Variants in SYN2 observed in about 807,000 individuals in gnomAD.
SYN2 encodes the protein synapsin-2.
Under a neutral mutation model 50.9 loss-of-function variants are expected in SYN2, and 19 were observed. The ratio of observed to expected loss-of-function variants is 0.37; its 90% confidence interval spans 0.26 to 0.55. The LOEUF is 0.55. Among genes scored for constraint, SYN2 ranks in the 20% least tolerant of loss-of-function variants. The probability of loss-of-function intolerance (pLI) is 0.81; values close to 1 mark genes in which losing one functional copy is unlikely to be tolerated. For missense variants in SYN2, 587 were observed against 576.4 expected (o/e 1.02, Z -0.19); for synonymous variants, 255 against 224.9 (o/e 1.13, Z -1.20).
intron 1 of SYN2, among the ~76,000 whole-genome samples, chr3:12,138,223 T>G (rs1460345024): frequency 6.6e-6 from 1 of 152,206 alleles, no homozygotes; most frequent in Non-Finnish European, 1.5e-5. Flanking sequence ...CTTGGCTCCT[T>G]TTCTATAAGG....
At chr3:12,185,249 A>T (rs369423732) in intron 11 of SYN2, 1 of 985,852 alleles carries the variant, frequency 1.0e-6, no homozygotes, top group East Asian at 1.1e-4. Flanking sequence ...CCCAGAATGG[A>T]GGAATACATT....
At chr3:12,102,272 C>G (rs781667353) in intron 1 of SYN2, among the ~76,000 whole-genome samples, 1 of 152,130 alleles carries the variant, frequency 6.6e-6, no homozygotes, top group Non-Finnish European at 1.5e-5. Flanking sequence ...CCTATCATTG[C>G]TAATTCATTT....
intron 1 of SYN2, among the ~76,000 whole-genome samples, chr3:12,064,183 G>A (rs990353758): frequency 2.0e-5 from 3 of 151,608 alleles, no homozygotes; most frequent in African/African-American, 7.3e-5. Context: ...CCAGTTGAGG[G>A]GCAGTCTACA....
At chr3:12,027,681 G>C (rs936685115) in intron 1 of SYN2, among the ~76,000 whole-genome samples, 8 of 152,302 alleles carry the variant, frequency 5.3e-5, no homozygotes, top group Admixed American at 3.3e-4. Flanking sequence ...CATATGAGCA[G>C]ATGGTTAAGT....
intron 1 of SYN2, chr3:12,070,992 C>G: frequency 1.8e-6 from 1 of 549,736 alleles, no homozygotes; most frequent in African/African-American, 1.9e-5. Context: ...CCATTGGCAA[C>G]AAGTGGTCCT....
intron 1 of SYN2, among the ~76,000 whole-genome samples, chr3:12,009,075 G>A (rs987936164): frequency 6.6e-6 from 1 of 152,162 alleles, no homozygotes; most frequent in Non-Finnish European, 1.5e-5. Context: ...ACTCAAATAA[G>A]GTTTGGGGCT....
At chr3:12,025,636 G>T (rs1206541850) in intron 1 of SYN2, among the ~76,000 whole-genome samples, 2 of 152,128 alleles carry the variant, frequency 1.3e-5, no homozygotes, top group Admixed American at 6.5e-5. Context: ...AGTCAGTGAG[G>T]TGTGTGGTTT....
At chr3:12,134,814 G>A (rs73813133) in intron 1 of SYN2, among the ~76,000 whole-genome samples, 11,972 of 152,214 alleles carry the variant, frequency 0.079, 571 homozygotes, top group African/African-American at 0.13. Context: ...AGAAATGTGA[G>A]TGCTAGATGT....
intron 1 of SYN2, among the ~76,000 whole-genome samples, chr3:12,027,527 GC>G (rs1694288374): frequency 6.6e-6 from 1 of 152,138 alleles, no homozygotes; most frequent in African/African-American, 2.4e-5. Flanking sequence ...ATCAGTTGGG[GC>G]TAATGTCAGC....
intron 12 of SYN2, among the ~76,000 whole-genome samples, chr3:12,190,204 G>A (rs529121487): frequency 1.1e-4 from 17 of 152,232 alleles, no homozygotes; most frequent in Admixed American, 3.3e-4. Context: ...TTAAAGAAGC[G>A]GCCTTTGAGT....
intron 1 of SYN2, among the ~76,000 whole-genome samples, chr3:12,044,322 A>T (rs1694691374): frequency 6.6e-6 from 1 of 152,298 alleles, no homozygotes; most frequent in Admixed American, 6.5e-5. Flanking sequence ...TAGTAGTCAA[A>T]CTGGTAGAAT....
At chr3:12,041,535 G>A (rs541113468) in intron 1 of SYN2, among the ~76,000 whole-genome samples, 1 of 152,288 alleles carries the variant, frequency 6.6e-6, no homozygotes, top group South Asian at 2.1e-4. Flanking sequence ...TAAGAAGTAA[G>A]CAGCTTTCCA....
chr3:12,027,458 G>A (rs1055606036), intron 1 of SYN2, among the ~76,000 whole-genome samples: 13 of 152,092 alleles, frequency 8.5e-5, no homozygotes, highest in African/African-American at 3.1e-4. Flanking sequence ...GATGTCCCTA[G>A]ATCCTATGAG....
chr3:12,078,295 G>A (rs1695514556), intron 1 of SYN2, among the ~76,000 whole-genome samples: 1 of 152,154 alleles, frequency 6.6e-6, no homozygotes, highest in Non-Finnish European at 1.5e-5. Flanking sequence ...GTTTTTTGCT[G>A]TGCAGAAGCT....
chr3:12,025,756 G>A (rs1259005246), intron 1 of SYN2, among the ~76,000 whole-genome samples: 2 of 152,082 alleles, frequency 1.3e-5, no homozygotes, highest in East Asian at 3.9e-4. Flanking sequence ...CCTGCAAACA[G>A]CAGCCACCCA....
rs1377174576 is a variant in SYN2, at chr3:12,004,461, C to T, written c.-91C>T. On this transcript the variant is annotated 5_prime_UTR_variant, in exon 1 of 13. Coordinates refer to ENST00000621198, the MANE Select transcript of SYN2 (RefSeq NM_133625.6). ...GCTGGCTAAGCCGCCGCCTCAGCCG[C>T]CTCAGTCGCCTCAATCTCGCCTTCC... The T allele has an allele frequency of 2.1e-5, 7 of 338,216 alleles. No individual in the cohort carries two copies. Among genetic ancestry groups the T allele is most frequent in the African/African-American group, 4.4e-5 (2 of 45,056 alleles). 21.0% of individuals were successfully genotyped at this position (338,216 alleles called of 1,614,324 possible).
intron 4 of SYN2, 100 bp from the exon 5 acceptor site, chr3:12,151,137 C>T (rs960990988): frequency 9.7e-6 from 8 of 828,250 alleles, no homozygotes; most frequent in African/African-American, 1.7e-5. Flanking sequence ...GCATAAAGTC[C>T]TCCACAGAGC....
At chr3:12,060,995 A>ATTAT (rs1412991586) in intron 1 of SYN2, among the ~76,000 whole-genome samples, 1 of 152,192 alleles carries the variant, frequency 6.6e-6, no homozygotes, top group African/African-American at 2.4e-5. Context: ...TGGAAAAAGT[A>ATTAT]GATAACATGA....
At chr3:12,106,325 G>A (rs778751677) in intron 1 of SYN2, among the ~76,000 whole-genome samples, 2 of 152,076 alleles carry the variant, frequency 1.3e-5, no homozygotes, top group African/African-American at 2.4e-5. Context: ...ATTAGATGAG[G>A]CCCACCTGGA....
Sources: gnomAD v4.1 joint callset for allele counts (sites outside exome capture counted in the v4.1 genomes callset) on GRCh38, gnomAD v4.1.1 for gene constraint, MANE v1.5 for transcripts, NCBI Gene and HGNC (gene_info 2026-07-23, HGNC 2026-07-21) for gene names.